MBD4: variants seen among roughly 807,000 people sequenced by gnomAD.
The protein encoded by MBD4 is methyl-CpG-binding domain protein 4.
Under a neutral mutation model 60.2 loss-of-function variants are expected in MBD4, and 53 were observed. The ratio of observed to expected loss-of-function variants is 0.88; its 90% CI spans 0.71 to 1.11. The LOEUF (loss-of-function observed/expected upper bound fraction) is 1.11, where lower values mean the gene tolerates loss of function less well. Among genes scored for constraint, MBD4 ranks in the 50% least tolerant of loss-of-function variants. MBD4 has a pLI of 0.00. For missense variants in MBD4, 619 were observed against 674.0 expected (o/e 0.92, Z 0.90); for synonymous variants, 231 against 229.8 (o/e 1.01, Z -0.05).
chr3:129,437,212 A>G lies in MBD4; in HGVS notation c.432T>C (p.Thr144=). 6.2e-7 allele frequency: 1 copy of G among 1,613,596 alleles called. No homozygotes were observed. The highest frequency in any genetic ancestry group is 8.5e-7 in the Non-Finnish European group (1 of 1,179,774). Residue 144 remains threonine (T), a synonymous_variant, in exon 3 of 8, where the codon ACT becomes ACC. Transcript: ENST00000429544. ...ACTTGATACCCCTTTTAGAAAGTAC[A>G]GTAAAATCAAAATCTTCTGGCTTAA... ...TSLKPEDFDF[T]VLSKRGIKSR...
At chr3:129,432,053 GC>G (rs1445534431) in intron 7 of MBD4, 2 of 769,566 alleles carry the variant, frequency 2.6e-6, no homozygotes, top group African/African-American at 3.6e-5. Flanking sequence ...ATGACCACCA[GC>G]ATGCCACAGG....
intron 5 of MBD4, 172 bp downstream of exon 5, chr3:129,433,678 G>T: frequency 1.4e-6 from 1 of 700,624 alleles, no homozygotes. Flanking sequence ...TAAAAGGTCT[G>T]TTGGATGTCA....
At chr3:129,438,156 G>T (rs1265965839) in intron 1 of MBD4, among the ~76,000 whole-genome samples, 1 of 152,156 alleles carries the variant, frequency 6.6e-6, no homozygotes, top group Non-Finnish European at 1.5e-5. Flanking sequence ...AGGTTAAAAG[G>T]TGTTGGAAAT....
intron 7 of MBD4, among the ~76,000 whole-genome samples, 174 bp from the exon 8 acceptor site, chr3:129,431,752 T>C (rs984425021): frequency 1.3e-5 from 2 of 152,228 alleles, no homozygotes; most frequent in Admixed American, 1.3e-4. Context: ...TTATACCTTA[T>C]ATTAAGGTAA....
chr3:129,433,784 T>G, intron 5 of MBD4, 66 bp downstream of exon 5: 1 of 1,603,402 alleles, frequency 6.2e-7, no homozygotes, highest in Non-Finnish European at 8.5e-7. Context: ...AACCCAGGCC[T>G]CAATTCAGTG....
In MBD4 at chr3:129,436,732, A is replaced by C. The variant is rs2072469279; in HGVS notation, c.912T>G (p.Ser304Arg). The change falls in exon 3 of 8, where the codon AGT becomes AGG. Residue 304 changes from serine to arginine, a missense_variant. Ser to Arg is a moderately radical substitution (Grantham distance 110). Coordinates refer to ENST00000429544, the MANE Select transcript of MBD4 (RefSeq NM_001276270.2). ...GACGETLSVT[S>R]EENSLVKKKE... ...TTTTTTTTACAAGGCTGTTTTCTTC[A>C]CTGGTCACACTGAGGGTCTCACCAC... 1.2e-6 allele frequency: 2 copies of C among 1,613,820 alleles called. No homozygotes were observed. The highest frequency in any genetic ancestry group is 8.5e-7 in the Non-Finnish European group (1 of 1,180,008).
In MBD4 at chr3:129,431,472, A is replaced by G; in HGVS notation, c.*29T>C. On this transcript the variant is annotated 3_prime_UTR_variant, in exon 8 of 8. Transcript: ENST00000429544. ...GCTTTTTTGAAGTGCAAAGCTATGC[A>G]TAACAGATGAGCTTGAAAGCTGCAG... 2 of 1,580,814 alleles carry G rather than the reference A, an allele frequency of 1.3e-6. No individual in the cohort carries two copies. Among genetic ancestry groups the G allele is most frequent in the Non-Finnish European group, 8.7e-7 (1 of 1,150,682 alleles).
chr3:129,432,560 C>A lies in MBD4; in HGVS notation c.1590G>T (p.Gly530=). ...KQWKYPIELH[G]IGKYGNDSYR... ...AAGAGTCGTTGCCATATTTACCAAT[C>A]CCATGAAGCTCAATTGGATACTTCC... Residue 530 remains glycine (G), a synonymous_variant, in exon 7 of 8, where the codon GGG becomes GGT. Transcript: ENST00000429544. 9 of 1,614,132 alleles carry A rather than the reference C, an allele frequency of 5.6e-6. No individual in the cohort carries two copies. Among genetic ancestry groups the A allele is most frequent in the Non-Finnish European group, 7.6e-6 (9 of 1,180,002 alleles).
intron 1 of MBD4, among the ~76,000 whole-genome samples, 182 bp downstream of exon 1, chr3:129,439,548 G>A (rs2072666919): frequency 6.6e-6 from 1 of 152,036 alleles, no homozygotes; most frequent in Non-Finnish European, 1.5e-5. Context: ...GAAGTCGAGC[G>A]CACCCCAGGG....
At chr3:129,431,623 TAGTC>T in intron 7 of MBD4, 45 bp from the exon 8 acceptor site, 1 of 1,350,666 alleles carries the variant, frequency 7.4e-7, no homozygotes, top group Non-Finnish European at 1.1e-6. Flanking sequence ...TAATGTAACT[TAGTC>T]AGAAATACAT....
At chr3:129,432,233 AAATAGGGAATGACAGG>A in intron 7 of MBD4, 1 of 1,434,388 alleles carries the variant, frequency 7.0e-7, no homozygotes, top group African/African-American at 1.4e-5. Context: ...GATAGCACAC[AAATAGGGAATGACAGG>A]AACAGGGCCA....
Position 129,437,019 on chromosome 3 carries a change from A to G in MBD4, c.625T>C (p.Ser209Pro). 1 of 1,614,200 alleles carries G rather than the reference A, an allele frequency of 6.2e-7. No homozygotes were observed. The highest frequency in any genetic ancestry group is 2.2e-5 in the East Asian group (1 of 44,886). ...QESRGLSNFTSTHLLLKEDEG... is the reference protein window; with the variant it reads ...QESRGLSNFTPTHLLLKEDEG... ...TCTTCTTTCAAAAGCAAATGAGTGG[A>G]AGTAAAGTTAGAGAGTCCTCTGCTC... Residue 209 changes from serine to proline, a missense_variant, in exon 3 of 8, where the codon TCC becomes CCC. By Grantham distance (74) the Ser-to-Pro change is moderately conservative. Transcript: ENST00000429544.
At chr3:129,432,265 G>A in intron 7 of MBD4, 1 of 1,456,270 alleles carries the variant, frequency 6.9e-7, no homozygotes, top group Non-Finnish European at 9.0e-7. Flanking sequence ...GGCCAGAGGT[G>A]ACAAACCACT....
At chr3:129,438,930 T>C (rs775581477) in intron 1 of MBD4, among the ~76,000 whole-genome samples, 8 of 151,728 alleles carry the variant, frequency 5.3e-5, no homozygotes, top group Non-Finnish European at 8.8e-5. Context: ...CGAGACCTCA[T>C]CTCAAAAAAA....
In MBD4 at chr3:129,432,581, C is replaced by CT; in HGVS notation, c.1568dup (p.Tyr524ValfsTer4). 6.2e-7 allele frequency: 1 copy of CT among 1,614,174 alleles called. No homozygotes were observed. The highest frequency in any genetic ancestry group is 8.5e-7 in the Non-Finnish European group (1 of 1,180,016). ...CAATCCCATGAAGCTCAATTGGATA[C>CT]TTCCACTGCTTTGTCAGGTATTCAT... On this transcript the variant is annotated frameshift_variant, in exon 7 of 8. Transcript: ENST00000429544. LOFTEE classifies it high-confidence loss of function.
chr3:129,439,246 G>A (rs894551215), intron 1 of MBD4, among the ~76,000 whole-genome samples: 2 of 152,100 alleles, frequency 1.3e-5, no homozygotes, highest in African/African-American at 2.4e-5. Flanking sequence ...CTGAAGCCTG[G>A]TGGAATCAGC....
At position 129,431,285 on chromosome 3, in the gene MBD4, AAAT is replaced by A. The variant is rs2072338823; in HGVS notation, c.*213_*215del. Reference sequence around the variant, plus strand: ...GCCGTATTTTTTTTGGATTGTTGTCAAATAATAATTTATTTTAAAAAAATCTCA... The same window carrying A: ...GCCGTATTTTTTTTGGATTGTTGTCAAATAATTTATTTTAAAAAAATCTCA... On this transcript the variant is annotated 3_prime_UTR_variant, in exon 8 of 8. Transcript: ENST00000429544. 9 of 518,492 alleles carry A rather than the reference AAAT, an allele frequency of 1.7e-5. No individual in the cohort carries two copies. The highest frequency in any genetic ancestry group is 5.2e-4 in the Middle Eastern group (1 of 1,928). The allele number at this position is 518,492 out of a possible 1,614,324, so 32.1% of individuals were successfully genotyped here. A position where few individuals can be genotyped will look rare whatever the true frequency, so the allele number is the denominator to read the frequency against.
intron 7 of MBD4, among the ~76,000 whole-genome samples, chr3:129,431,851 A>G (rs559562578): frequency 1.1e-4 from 17 of 152,350 alleles, no homozygotes; most frequent in Non-Finnish European, 2.1e-4. Context: ...AAGTATTAAT[A>G]CCTCACTTTC....
Position 129,439,801 on chromosome 3 carries a change from C to T in MBD4, c.33G>A (p.Leu11=), listed in dbSNP as rs1208718902. Residue 11 remains leucine (L), a synonymous_variant, in exon 1 of 8, where the codon CTG becomes CTA. Coordinates refer to ENST00000429544, the MANE Select transcript of MBD4 (RefSeq NM_001276270.2). ...CGGTGGGGGCAGCTCCGCGGTCCCC[C>T]AGACTCAGACTCTCCAGCCCAGTCG... is the stretch of plus-strand genomic sequence containing the variant. MGTTGLESLS[L]GDRGAAPTVT... is the part of the protein sequence containing the mutation. 1 of 1,610,928 alleles carries T rather than the reference C, an allele frequency of 6.2e-7. No individual in the cohort carries two copies. Among genetic ancestry groups the T allele is most frequent in the Non-Finnish European group, 8.5e-7 (1 of 1,179,096 alleles).
Sources: allele counts gnomAD v4.1 joint callset (sites outside exome capture counted in the v4.1 genomes callset), GRCh38; gene constraint gnomAD v4.1.1; transcripts MANE v1.5; gene names NCBI Gene and HGNC (gene_info 2026-07-23, HGNC 2026-07-21).